The following SORL1 variants were observed in gnomAD, a reference collection of about 807,000 sequenced individuals.
SORL1 encodes the protein sortilin related receptor 1.
SORL1 carries 127 observed loss-of-function variants against 273.7 expected under a neutral mutation model. The ratio of observed to expected loss-of-function variants is 0.46; its 90% confidence interval spans 0.40 to 0.54. SORL1 has a LOEUF of 0.54. Ranked by LOEUF, SORL1 falls within the 20% of genes least tolerant of loss-of-function variation. The probability of loss-of-function intolerance (pLI) is 0.00; values close to 1 mark genes in which losing one functional copy is unlikely to be tolerated. For missense variants in SORL1, 2,494 were observed against 2,846.1 expected, an observed-to-expected ratio of 0.88 and a Z score of 2.81; for synonymous variants, 1,031 against 1,067.4, an observed-to-expected ratio of 0.97 and a Z score of 0.66.
intron 5 of SORL1, among the ~76,000 whole-genome samples, chr11:121,492,495 A>G (rs1454767813): frequency 2.0e-5 from 3 of 152,192 alleles, no homozygotes; most frequent in African/African-American, 4.8e-5. Flanking sequence ...GCACTTTACC[A>G]CATTCTAATA....
At chr11:121,467,908 C>A (rs1309834377) in intron 1 of SORL1, among the ~76,000 whole-genome samples, 2 of 152,192 alleles carry the variant, frequency 1.3e-5, no homozygotes, top group Non-Finnish European at 2.9e-5. Context: ...AGGTCCTTTT[C>A]TTTAAAGTAA....
chr11:121,504,924 T>A (rs962071146), intron 6 of SORL1, among the ~76,000 whole-genome samples: 2 of 152,190 alleles, frequency 1.3e-5, no homozygotes, highest in Non-Finnish European at 2.9e-5. Context: ...TTGTCAGTGC[T>A]TTTTCTGTGT....
chr11:121,541,939 C>CTT (rs1209910962), intron 12 of SORL1, among the ~76,000 whole-genome samples: 1 of 152,146 alleles, frequency 6.6e-6, no homozygotes, highest in Non-Finnish European at 1.5e-5. Context: ...TTTCCTTCAA[C>CTT]TTTTTACTTT....
intron 5 of SORL1, among the ~76,000 whole-genome samples, chr11:121,492,229 C>T (rs1487787365): frequency 1.3e-5 from 2 of 152,058 alleles, no homozygotes; most frequent in Non-Finnish European, 1.5e-5. Flanking sequence ...GGCATGGTGG[C>T]GGGTGCCTGT....
chr11:121,462,761 T>G (rs1306206566), intron 1 of SORL1, among the ~76,000 whole-genome samples: 4 of 152,148 alleles, frequency 2.6e-5, no homozygotes, highest in African/African-American at 9.7e-5. Flanking sequence ...GTTTTTGTAT[T>G]TTTTGTAGAG....
chr11:121,484,545 G>C (rs994798904), intron 3 of SORL1, among the ~76,000 whole-genome samples: 21 of 152,148 alleles, frequency 1.4e-4, no homozygotes, highest in Admixed American at 1.2e-3. Flanking sequence ...CTGCTTGTGA[G>C]TAGTGGGGCT....
chr11:121,618,908 C>T lies in SORL1; in HGVS notation c.5724+15C>T, dbSNP rs765182196. The T allele has an allele frequency of 3.1e-6, 5 of 1,613,840 alleles. No homozygotes were observed. Among genetic ancestry groups the T allele is most frequent in the Non-Finnish European group, 4.2e-6 (5 of 1,179,826 alleles). ...ATTTGTTTCTGGTAAGTTTCCCATA[C>T]CGTTTCAGTTTTTTAAGGGATGTCT... is the stretch of plus-strand genomic sequence containing the variant. On this transcript the variant is annotated intron_variant, in intron 42 of 47. Transcript: ENST00000260197.
intron 26 of SORL1, among the ~76,000 whole-genome samples, chr11:121,585,495 G>GTA (rs1169899718): frequency 2.6e-4 from 23 of 87,548 alleles, no homozygotes; most frequent in South Asian, 1.1e-3. Flanking sequence ...AAAAAAAAAT[G>GTA]TATATACACA....
chr11:121,568,344 A>G (rs570582384), intron 22 of SORL1, among the ~76,000 whole-genome samples: 10 of 152,352 alleles, frequency 6.6e-5, no homozygotes, highest in African/African-American at 2.2e-4. Flanking sequence ...CTTTCAGGCT[A>G]TGGATACAAT....
At chr11:121,586,417 C>T (rs1863110366) in intron 27 of SORL1, 88 bp downstream of exon 27, 4 of 995,570 alleles carry the variant, frequency 4.0e-6, no homozygotes, top group Admixed American at 3.4e-5. Flanking sequence ...TTCATTTCCT[C>T]AGTACCTGCT....
Position 121,625,147 on chromosome 11 carries a change from T to C in SORL1, c.6234T>C (p.Thr2078=). Residue 2078 remains threonine, a synonymous_variant, in exon 46 of 48, where the codon ACT becomes ACC. Coordinates refer to ENST00000260197, the MANE Select transcript of SORL1 (RefSeq NM_003105.6). Reference sequence around the variant, plus strand: ...TCACAGCTTACCTTGGGAATACTACTGACAATTTCTTTAAAATTTCCAACC... The same window carrying C: ...TCACAGCTTACCTTGGGAATACTACCGACAATTTCTTTAAAATTTCCAACC... ...MNITAYLGNT[T]DNFFKISNLK... 6.2e-7 allele frequency: 1 copy of C among 1,613,656 alleles called. No homozygotes were observed. Among genetic ancestry groups the C allele is most frequent in the Non-Finnish European group, 8.5e-7 (1 of 1,179,538 alleles).
intron 1 of SORL1, among the ~76,000 whole-genome samples, chr11:121,460,623 C>A (rs1247323915): frequency 6.6e-6 from 1 of 152,050 alleles, no homozygotes; most frequent in Non-Finnish European, 1.5e-5. Flanking sequence ...GTCTCGAACT[C>A]CTGACCTCGT....
intron 3 of SORL1, among the ~76,000 whole-genome samples, chr11:121,479,931 C>T (rs1011275093): frequency 6.6e-6 from 1 of 152,146 alleles, no homozygotes; most frequent in Non-Finnish European, 1.5e-5. Flanking sequence ...GGAATTGGCC[C>T]CATAGACGGG....
chr11:121,624,986 C>T (rs932362060), intron 45 of SORL1, 99 bp from the exon 46 acceptor site: 2 of 828,584 alleles, frequency 2.4e-6, no homozygotes, highest in Non-Finnish European at 1.9e-6. Context: ...GCGTCTGTAG[C>T]AGCCCACAGT....
At chr11:121,527,445 CTTTAA>C (rs1295913198) in intron 11 of SORL1, among the ~76,000 whole-genome samples, 2 of 151,638 alleles carry the variant, frequency 1.3e-5, no homozygotes, top group Admixed American at 6.6e-5. Flanking sequence ...AGATACTTGT[CTTTAA>C]TTTGTTTTTT....
Position 121,618,641 on chromosome 11 carries a change from G to C in SORL1, c.5605-133G>C, listed in dbSNP as rs1031898507. 1.1e-5 allele frequency: 12 copies of C among 1,080,998 alleles called. No homozygotes were observed. In the African/African-American group the frequency reaches 1.6e-4, roughly 14 times the overall value. The allele number at this position is 1,080,998 out of a possible 1,614,324, so 67.0% of individuals were successfully genotyped here. On this transcript the variant is annotated intron_variant, in intron 41 of 47. Coordinates refer to ENST00000260197, the MANE Select transcript of SORL1 (RefSeq NM_003105.6). ...TGCCTTCTCTGTAAATGCTGTAAAT[G>C]TAATAAATGTTGAATGAAGACTTCT...
intron 46 of SORL1, among the ~76,000 whole-genome samples, chr11:121,625,548 T>C (rs1863784373): frequency 6.6e-6 from 1 of 152,186 alleles, no homozygotes; most frequent in Non-Finnish European, 1.5e-5. Context: ...AGGGAAACTC[T>C]AGGTTCACAA....
intron 11 of SORL1, among the ~76,000 whole-genome samples, chr11:121,523,688 G>C (rs1369242062): frequency 6.6e-6 from 1 of 152,082 alleles, no homozygotes; most frequent in Non-Finnish European, 1.5e-5. Context: ...GTTCTGTAGG[G>C]GTTGCTTTCA....
At chr11:121,589,177 C>T (rs1863168675) in intron 28 of SORL1, 82 bp from the exon 29 acceptor site, 2 of 1,509,788 alleles carry the variant, frequency 1.3e-6, no homozygotes, top group Admixed American at 1.7e-5. Flanking sequence ...CTGCTGTTCC[C>T]CCTTGCTTCT....
Sources: gnomAD v4.1 joint callset for allele counts (sites outside exome capture counted in the v4.1 genomes callset) on GRCh38, gnomAD v4.1.1 for gene constraint, MANE v1.5 for transcripts, NCBI Gene and HGNC (gene_info 2026-07-23, HGNC 2026-07-21) for gene names.